The following SCUBE1 variants were observed in gnomAD, a reference collection of about 807,000 sequenced individuals.
The protein encoded by SCUBE1 is signal peptide, CUB and EGF-like domain-containing protein 1.
Under a neutral mutation model 124.4 loss-of-function variants are expected in SCUBE1, and 59 were observed. The observed-to-expected ratio is 0.47, with a 90% CI of 0.38 to 0.59. SCUBE1 has a LOEUF of 0.59. Ranked by LOEUF, SCUBE1 falls within the 20% of genes least tolerant of loss-of-function variation. SCUBE1 has a pLI of 0.00. For missense variants in SCUBE1, 1,150 were observed against 1,371.2 expected (o/e 0.84, Z 2.55); for synonymous variants, 545 against 550.9 (o/e 0.99, Z 0.15).
chr22:43,278,326 C>G (rs1244116804), intron 4 of SCUBE1, among the ~76,000 whole-genome samples: 1 of 152,248 alleles, frequency 6.6e-6, no homozygotes, highest in Non-Finnish European at 1.5e-5. Flanking sequence ...CCTGGCTGAT[C>G]TTCTCCAAGG....
intron 6 of SCUBE1, among the ~76,000 whole-genome samples, chr22:43,241,696 C>G (rs1194357210): frequency 6.6e-6 from 1 of 152,218 alleles, no homozygotes; most frequent in Non-Finnish European, 1.5e-5. Context: ...CCAGCACTTC[C>G]CAGCTCTAGC....
At chr22:43,274,859 G>T (rs1411346198) in intron 4 of SCUBE1, among the ~76,000 whole-genome samples, 1 of 152,180 alleles carries the variant, frequency 6.6e-6, no homozygotes. Context: ...GTGCATGAGG[G>T]GCGGCAGCGG....
chr22:43,310,001 T>G (rs1926112904), intron 3 of SCUBE1, among the ~76,000 whole-genome samples: 1 of 152,170 alleles, frequency 6.6e-6, no homozygotes, highest in East Asian at 1.9e-4. Flanking sequence ...AAGCGCTTTT[T>G]AAATTAAAAT....
chr22:43,227,081 G>A (rs1922348189), intron 10 of SCUBE1, among the ~76,000 whole-genome samples: 4 of 152,136 alleles, frequency 2.6e-5, no homozygotes, highest in Non-Finnish European at 2.9e-5. Context: ...TGTGCCCCAC[G>A]GCTGGGCTGC....
intron 3 of SCUBE1, among the ~76,000 whole-genome samples, chr22:43,303,744 A>T (rs1264933119): frequency 6.6e-6 from 1 of 152,266 alleles, no homozygotes; most frequent in Non-Finnish European, 1.5e-5. Context: ...TTATTATTTA[A>T]GATTCTGAGC....
intron 6 of SCUBE1, among the ~76,000 whole-genome samples, chr22:43,244,912 G>A (rs1168885535): frequency 6.6e-6 from 1 of 152,238 alleles, no homozygotes; most frequent in East Asian, 1.9e-4. Flanking sequence ...CCCTCAATCA[G>A]GGCTGGCCCA....
At chr22:43,335,676 A>G (rs1406553052) in intron 2 of SCUBE1, among the ~76,000 whole-genome samples, 2 of 152,132 alleles carry the variant, frequency 1.3e-5, no homozygotes, top group Admixed American at 1.3e-4. Context: ...GCAATTTTCA[A>G]AGGTCTTCAC....
intron 3 of SCUBE1, among the ~76,000 whole-genome samples, chr22:43,291,730 A>G (rs1925368934): frequency 6.6e-6 from 1 of 152,160 alleles, no homozygotes; most frequent in South Asian, 2.1e-4. Context: ...TCCAGTGGCT[A>G]TGATGCTAGC....
intron 6 of SCUBE1, among the ~76,000 whole-genome samples, chr22:43,243,012 G>T (rs1923068274): frequency 6.6e-6 from 1 of 152,228 alleles, no homozygotes; most frequent in Admixed American, 6.5e-5. Context: ...GAATTGCCTT[G>T]TTCAAAAATT....
In SCUBE1 at chr22:43,231,850, G is replaced by A. The variant is rs779267561; in HGVS notation, c.870C>T (p.Asn290=). The change falls in exon 8 of 22, where the codon AAC becomes AAT. Residue 290 remains asparagine (N), a synonymous_variant. Transcript: ENST00000360835. The stretch of plus-strand genomic sequence containing the variant: ...TGCGGCAGAAGTGGTCGCAGCCTCC[G>A]TTGTTGACCAGGCACTCGTTGATGT... ...CKDINECLVN[N]GGCDHFCRNT... The A allele has an allele frequency of 1.4e-5, 22 of 1,613,536 alleles. No individual in the cohort carries two copies. The highest frequency in any genetic ancestry group is 1.6e-5 in the Non-Finnish European group (19 of 1,179,850).
At chr22:43,296,579 T>C (rs736355) in intron 3 of SCUBE1, among the ~76,000 whole-genome samples, 1 of 152,108 alleles carries the variant, frequency 6.6e-6, no homozygotes, top group Non-Finnish European at 1.5e-5. Context: ...TCCTTTCAAC[T>C]GGTGAGAGAG....
intron 3 of SCUBE1, among the ~76,000 whole-genome samples, chr22:43,293,856 C>T (rs780709854): frequency 8.7e-4 from 133 of 152,216 alleles, no homozygotes; most frequent in Non-Finnish European, 1.3e-3. Context: ...TGCAGAAATG[C>T]TACCTCATCC....
At chr22:43,289,228 C>T (rs1925263503) in intron 4 of SCUBE1, among the ~76,000 whole-genome samples, 1 of 152,256 alleles carries the variant, frequency 6.6e-6, no homozygotes, top group African/African-American at 2.4e-5. Flanking sequence ...CCTCCCCGCA[C>T]TTGCTCACTC....
intron 5 of SCUBE1, among the ~76,000 whole-genome samples, chr22:43,261,560 C>T (rs886118005): frequency 4.6e-5 from 7 of 152,202 alleles, no homozygotes; most frequent in Admixed American, 4.6e-4. Context: ...CTGAGAGGAT[C>T]AGTGACTGTG....
At chr22:43,264,223 T>C (rs752616535) in intron 4 of SCUBE1, among the ~76,000 whole-genome samples, 2 of 152,190 alleles carry the variant, frequency 1.3e-5, no homozygotes, top group Non-Finnish European at 2.9e-5. Context: ...GATGTAGGTG[T>C]GAATCTGGCT....
intron 6 of SCUBE1, among the ~76,000 whole-genome samples, chr22:43,246,898 G>T (rs1321236826): frequency 2.6e-5 from 4 of 151,970 alleles, no homozygotes; most frequent in African/African-American, 4.8e-5. Context: ...GGAGTAGCTG[G>T]CACCTGGAGC....
At chr22:43,292,556 A>AC (rs1925402162) in intron 3 of SCUBE1, among the ~76,000 whole-genome samples, 7 of 139,600 alleles carry the variant, frequency 5.0e-5, no homozygotes, top group African/African-American at 1.9e-4. Flanking sequence ...CCCGGTCCCT[A>AC]ACACACACAC....
At position 43,285,549 on chromosome 22, in the gene SCUBE1, G is replaced by A. The variant is rs979192797; in HGVS notation, c.484+5497C>T. On this transcript the variant is annotated intron_variant, in intron 4 of 21. Coordinates refer to ENST00000360835, the MANE Select transcript of SCUBE1 (RefSeq NM_173050.5). Reference sequence around the variant, plus strand: ...ACAATAGGGGGCGGGGGACAGAGGTGGCCACTGGGGCACAGAAGAGGCAGA... The same window carrying A: ...ACAATAGGGGGCGGGGGACAGAGGTAGCCACTGGGGCACAGAAGAGGCAGA... Among the ~76,000 whole-genome samples the A allele has an allele frequency of 7.9e-5, 12 of 152,326 alleles. No homozygotes were observed. The South Asian group carries it at 2.5e-3, about 32-fold the overall frequency.
chr22:43,209,019 C>T (rs938119344), intron 19 of SCUBE1, among the ~76,000 whole-genome samples: 5 of 150,780 alleles, frequency 3.3e-5, no homozygotes, highest in Admixed American at 1.3e-4. Flanking sequence ...GGCAGGGGAA[C>T]GGGTGAGGGG....
Sources: allele counts gnomAD v4.1 joint callset (sites outside exome capture counted in the v4.1 genomes callset), GRCh38; gene constraint gnomAD v4.1.1; transcripts MANE v1.5; gene names NCBI Gene and HGNC (gene_info 2026-07-23, HGNC 2026-07-21).